The following STARD5 variants were observed in gnomAD, a reference collection of about 807,000 sequenced individuals.
STARD5 encodes StAR related lipid transfer domain containing 5.
Under a neutral mutation model 24.6 loss-of-function variants are expected in STARD5, and 26 were observed. That is an observed-to-expected ratio of 1.06 (90% CI 0.77 to 1.47). The LOEUF (loss-of-function observed/expected upper bound fraction) is 1.47, where lower values mean the gene tolerates loss of function less well. STARD5 is among the 40% of genes most tolerant of loss of function. The probability of loss-of-function intolerance (pLI) is 0.00; values close to 1 mark genes in which losing one functional copy is unlikely to be tolerated. For synonymous variants in STARD5, 101 were observed against 99.7 expected (o/e 1.01, Z -0.07); for missense variants, 254 against 270.8 (o/e 0.94, Z 0.44).
At chr15:81,321,519 A>G (rs1901194143) in intron 3 of STARD5, among the ~76,000 whole-genome samples, 1 of 151,954 alleles carries the variant, frequency 6.6e-6, no homozygotes, top group Non-Finnish European at 1.5e-5. Flanking sequence ...CTGAGGCAGG[A>G]GAATCACTTG....
At position 81,309,204 on chromosome 15, in the gene STARD5, T is replaced by C; in HGVS notation, c.*4052A>G. ...CATGAATCTGCAATGTGGGCAGAGA[T>C]TGGAATGGGCAGCTCATCTCTGTCC... is the stretch of plus-strand genomic sequence containing the variant. On this transcript the variant is annotated 3_prime_UTR_variant, in exon 6 of 6. Transcript: ENST00000302824. 6.0e-6 allele frequency: 1 copy of C among 168,048 alleles called. No individual in the cohort carries two copies. The highest frequency in any genetic ancestry group is 1.3e-5 in the Non-Finnish European group (1 of 78,310). 10.4% of individuals were successfully genotyped at this position (168,048 alleles called of 1,614,324 possible).
chr15:81,320,646 T>C (rs1387476365), intron 3 of STARD5, among the ~76,000 whole-genome samples: 1 of 152,194 alleles, frequency 6.6e-6, no homozygotes, highest in Non-Finnish European at 1.5e-5. Context: ...TTTTTCCCTT[T>C]CTTAAGCATA....
intron 1 of STARD5, 105 bp from the exon 2 acceptor site, chr15:81,323,053 C>A: frequency 7.9e-7 from 1 of 1,269,384 alleles, no homozygotes. Flanking sequence ...TCAAGAGATA[C>A]GACTCTCCAA....
chr15:81,323,685 C>T (rs1893334556), intron 1 of STARD5: 5 of 965,246 alleles, frequency 5.2e-6, no homozygotes, highest in Non-Finnish European at 8.3e-6. Flanking sequence ...CACCTGCTTA[C>T]CCCTTAAATG....
intron 5 of STARD5, among the ~76,000 whole-genome samples, chr15:81,318,147 C>A (rs1186629891): frequency 6.6e-6 from 1 of 152,098 alleles, no homozygotes; most frequent in Non-Finnish European, 1.5e-5. Flanking sequence ...ATTTGCTTAA[C>A]CTGGAGGCTG....
At chr15:81,315,515 T>C (rs1901062867) in intron 5 of STARD5, among the ~76,000 whole-genome samples, 1 of 152,082 alleles carries the variant, frequency 6.6e-6, no homozygotes, top group African/African-American at 2.4e-5. Context: ...GCTAGAAGGA[T>C]TTAATGAGAG....
At chr15:81,323,702 A>G in intron 1 of STARD5, 1 of 897,342 alleles carries the variant, frequency 1.1e-6, no homozygotes, top group South Asian at 1.4e-5. Context: ...AATGCAATTT[A>G]TTTACTTTTA....
At chr15:81,313,588 A>G in intron 5 of STARD5, 185 bp from the exon 6 acceptor site, 1 of 447,358 alleles carries the variant, frequency 2.2e-6, no homozygotes, top group East Asian at 3.7e-5. Flanking sequence ...ATGGAAACCC[A>G]TCCTGTCGGG....
At chr15:81,315,336 A>G (rs941456735) in intron 5 of STARD5, among the ~76,000 whole-genome samples, 1 of 152,128 alleles carries the variant, frequency 6.6e-6, no homozygotes. Context: ...GTGAGAGGCC[A>G]TGTGGGATGG....
intron 5 of STARD5, among the ~76,000 whole-genome samples, chr15:81,316,558 C>A (rs1462764789): frequency 6.6e-6 from 1 of 152,158 alleles, no homozygotes; most frequent in East Asian, 1.9e-4. Flanking sequence ...CAGTGCCTTA[C>A]GGTTGTTATA....
At chr15:81,317,688 C>T (rs1165427358) in intron 5 of STARD5, among the ~76,000 whole-genome samples, 2 of 152,080 alleles carry the variant, frequency 1.3e-5, no homozygotes, top group Non-Finnish European at 2.9e-5. Context: ...CCCTTCCCTC[C>T]GGGTGTCTGT....
At chr15:81,317,194 CAAAA>C (rs34300152) in intron 5 of STARD5, among the ~76,000 whole-genome samples, 9 of 106,662 alleles carry the variant, frequency 8.4e-5, no homozygotes, top group Admixed American at 9.6e-5. Flanking sequence ...AACTCCGTCT[CAAAA>C]AAAAAAAAAA....
rs867389862 is a variant in STARD5, at chr15:81,319,106, A to G, written c.400+233T>C. Among the ~76,000 whole-genome samples, 569 of 151,154 alleles carry G rather than the reference A, an allele frequency of 3.8e-3. 2 individuals carry two copies. Among genetic ancestry groups the G allele is most frequent in the Middle Eastern group, 0.014 (4 of 294 alleles). On this transcript the variant is annotated intron_variant, in intron 4 of 5. Coordinates refer to ENST00000302824, the MANE Select transcript of STARD5 (RefSeq NM_181900.3). ...TGAGCTTCCGCAGGAAAAAAAAAAAAGGGGCACTGGCAAAACCGTGACTTG... is the reference window on the plus strand; with the variant it reads ...TGAGCTTCCGCAGGAAAAAAAAAAAGGGGGCACTGGCAAAACCGTGACTTG...
At chr15:81,316,738 C>A (rs116596275) in intron 5 of STARD5, among the ~76,000 whole-genome samples, 1,975 of 152,252 alleles carry the variant, frequency 0.013, 42 homozygotes, top group African/African-American at 0.045. Flanking sequence ...GATTTCAGAT[C>A]CACAGCCTCA....
At chr15:81,322,599 T>C in intron 2 of STARD5, 59 bp from the exon 3 acceptor site, 1 of 1,611,744 alleles carries the variant, frequency 6.2e-7, no homozygotes, top group African/African-American at 1.3e-5. Flanking sequence ...ATCTTGAGAT[T>C]GTATCTAAGG....
rs755096556 is a variant in STARD5, at chr15:81,324,131, G to T, written c.-32C>A. On this transcript the variant is annotated 5_prime_UTR_variant, in exon 1 of 6. Transcript: ENST00000302824. ...GGGAGCTGCGCTTAGCTGCGGGGTCGCGGGTGTTATGAGCGGCGGCGCTGG... is the reference window on the plus strand; with the variant it reads ...GGGAGCTGCGCTTAGCTGCGGGGTCTCGGGTGTTATGAGCGGCGGCGCTGG... 2.3e-6 allele frequency: 3 copies of T among 1,310,740 alleles called. No homozygotes were observed. The highest frequency in any genetic ancestry group is 7.1e-5 in the Admixed American group (2 of 28,250). 81.2% of individuals were successfully genotyped at this position (1,310,740 alleles called of 1,614,324 possible). A position where few individuals can be genotyped will look rare whatever the true frequency, so the allele number is the denominator to read the frequency against.
At chr15:81,316,082 G>C (rs1901077231) in intron 5 of STARD5, among the ~76,000 whole-genome samples, 1 of 152,216 alleles carries the variant, frequency 6.6e-6, no homozygotes, top group South Asian at 2.1e-4. Flanking sequence ...CCCCGCTCTT[G>C]CTCCGGCTCC....
intron 3 of STARD5, among the ~76,000 whole-genome samples, chr15:81,321,529 G>A (rs1193499002): frequency 6.6e-6 from 1 of 150,464 alleles, no homozygotes; most frequent in Non-Finnish European, 1.5e-5. Flanking sequence ...AGAATCACTT[G>A]AACCCAGGAG....
intron 3 of STARD5, among the ~76,000 whole-genome samples, chr15:81,320,239 T>C (rs1379141751): frequency 6.6e-6 from 1 of 152,190 alleles, no homozygotes; most frequent in Non-Finnish European, 1.5e-5. Context: ...TCTCCATCTC[T>C]GTGTCTTTCC....
Sources: gnomAD v4.1 joint callset for allele counts (sites outside exome capture counted in the v4.1 genomes callset) on GRCh38, gnomAD v4.1.1 for gene constraint, MANE v1.5 for transcripts, NCBI Gene and HGNC (gene_info 2026-07-23, HGNC 2026-07-21) for gene names.